The following LINGO2 variants were observed in gnomAD, a reference collection of about 807,000 sequenced individuals.
The protein encoded by LINGO2 is leucine rich repeat and Ig domain containing 2.
Under a neutral mutation model 30.6 loss-of-function variants are expected in LINGO2, and 14 were observed. The ratio of observed to expected loss-of-function variants is 0.46; its 90% CI spans 0.30 to 0.72. LINGO2 has a LOEUF of 0.72. Ranked by LOEUF, LINGO2 falls within the 30% of genes least tolerant of loss-of-function variation. The pLI, the probability that LINGO2 is intolerant of heterozygous loss-of-function variation, is 0.07. For missense variants in LINGO2, 729 were observed against 751.7 expected (o/e 0.97, Z 0.35); for synonymous variants, 317 against 288.5 (o/e 1.10, Z -1.00).
At chr9:28,251,696 A>G (rs1446007946) in intron 4 of LINGO2, among the ~76,000 whole-genome samples, 1 of 151,098 alleles carries the variant, frequency 6.6e-6, no homozygotes, top group Non-Finnish European at 1.5e-5. Context: ...TTGGCAGAAA[A>G]TTTTACTTTT....
the LINGO2 span, among the ~76,000 whole-genome samples, chr9:28,927,810 T>C: frequency 6.6e-6 from 1 of 152,232 alleles, no homozygotes; most frequent in Admixed American, 6.5e-5. Context: ...CAGTGCTCTT[T>C]ATCATCCACA....
chr9:29,143,599 A>G, the LINGO2 span, among the ~76,000 whole-genome samples: 1 of 152,154 alleles, frequency 6.6e-6, no homozygotes, highest in South Asian at 2.1e-4. Context: ...AGAAAACTGA[A>G]TATCTGCAAA....
chr9:28,143,745 T>C (rs1373258319), intron 4 of LINGO2, among the ~76,000 whole-genome samples: 2 of 152,022 alleles, frequency 1.3e-5, no homozygotes, highest in South Asian at 4.1e-4. Flanking sequence ...GAAACTTTAG[T>C]GTCAATATCA....
chr9:29,206,840 A>T, the LINGO2 span, among the ~76,000 whole-genome samples: 46 of 152,172 alleles, frequency 3.0e-4, no homozygotes, highest in African/African-American at 1.1e-3. Context: ...ATCAACAATA[A>T]ATATTTGCAT....
the LINGO2 span, among the ~76,000 whole-genome samples, chr9:28,841,098 G>A: frequency 6.6e-6 from 1 of 151,578 alleles, no homozygotes. Flanking sequence ...AAATGTTTAC[G>A]CTTTCAAGGC....
chr9:28,850,300 T>C, the LINGO2 span, among the ~76,000 whole-genome samples: 1 of 152,012 alleles, frequency 6.6e-6, no homozygotes, highest in African/African-American at 2.4e-5. Flanking sequence ...GGCAATAATA[T>C]ATGTACTACT....
chr9:28,379,096 T>G (rs1259536371), intron 2 of LINGO2, among the ~76,000 whole-genome samples: 1 of 152,170 alleles, frequency 6.6e-6, no homozygotes, highest in African/African-American at 2.4e-5. Flanking sequence ...TTCCTTTTGA[T>G]ATTAAAAATA....
At chr9:28,599,581 G>T (rs2135740376) in intron 1 of LINGO2, among the ~76,000 whole-genome samples, 1 of 152,026 alleles carries the variant, frequency 6.6e-6, no homozygotes, top group East Asian at 1.9e-4. Context: ...ATATTTTCAG[G>T]AGCAAATCAG....
chr9:28,879,800 A>G, the LINGO2 span, among the ~76,000 whole-genome samples: 1 of 152,076 alleles, frequency 6.6e-6, no homozygotes, highest in African/African-American at 2.4e-5. Flanking sequence ...GGAATTTCTG[A>G]GGAAAATATA....
chr9:28,699,609 C>T, the LINGO2 span, among the ~76,000 whole-genome samples: 4 of 151,970 alleles, frequency 2.6e-5, no homozygotes, highest in African/African-American at 9.7e-5. Flanking sequence ...GGTCTGACTG[C>T]CTGTGGGGTC....
the LINGO2 span, among the ~76,000 whole-genome samples, chr9:28,812,946 G>T: frequency 6.6e-6 from 1 of 151,904 alleles, no homozygotes; most frequent in Admixed American, 6.6e-5. Flanking sequence ...CACTATAACT[G>T]AAGTTTATGA....
the LINGO2 span, among the ~76,000 whole-genome samples, chr9:29,130,702 G>T: frequency 1.3e-5 from 2 of 151,970 alleles, no homozygotes; most frequent in Non-Finnish European, 2.9e-5. Context: ...TAACTCAAAG[G>T]CTCAACACAC....
At chr9:28,426,968 T>C (rs1380916504) in intron 2 of LINGO2, among the ~76,000 whole-genome samples, 1 of 152,098 alleles carries the variant, frequency 6.6e-6, no homozygotes, top group Middle Eastern at 3.2e-3. Flanking sequence ...TACTATAATT[T>C]CCTTTCAAAG....
chr9:28,660,804 A>G (rs556753923), intron 1 of LINGO2, among the ~76,000 whole-genome samples: 19 of 152,254 alleles, frequency 1.2e-4, no homozygotes, highest in Admixed American at 1.2e-3. Flanking sequence ...AATAAAAAAG[A>G]GGTAGCATCA....
At chr9:28,383,254 T>TTGTGTGTG (rs3065590) in intron 2 of LINGO2, among the ~76,000 whole-genome samples, 4,157 of 73,542 alleles carry the variant, frequency 0.057, 69 homozygotes, top group Admixed American at 0.09. Flanking sequence ...TCACCATTCA[T>TTGTGTGTG]TGTGTGTGTG....
At chr9:27,994,212 T>C (rs921000061) in intron 5 of LINGO2, among the ~76,000 whole-genome samples, 1 of 151,668 alleles carries the variant, frequency 6.6e-6, no homozygotes, top group Non-Finnish European at 1.5e-5. Flanking sequence ...AGACTTCAGA[T>C]AAACATCCCA....
At chr9:28,771,506 TGAGA>T in the LINGO2 span, among the ~76,000 whole-genome samples, 49 of 95,130 alleles carry the variant, frequency 5.2e-4, no homozygotes, top group East Asian at 2.3e-3. Flanking sequence ...TGTGTGTGTG[TGAGA>T]GAGAGAGAGA....
chr9:28,991,320 G>A, the LINGO2 span, among the ~76,000 whole-genome samples: 7 of 151,350 alleles, frequency 4.6e-5, no homozygotes, highest in South Asian at 8.4e-4. Flanking sequence ...AGAGAAAAAA[G>A]AATAAAAAGA....
intron 4 of LINGO2, among the ~76,000 whole-genome samples, chr9:28,204,343 C>T (rs1487434161): frequency 2.6e-5 from 4 of 152,128 alleles, no homozygotes; most frequent in East Asian, 1.9e-4. Context: ...ATTACTAATA[C>T]GATTAAGTAA....
Sources: gnomAD v4.1 joint callset for allele counts (sites outside exome capture counted in the v4.1 genomes callset) on GRCh38, gnomAD v4.1.1 for gene constraint, MANE v1.5 for transcripts, NCBI Gene and HGNC (gene_info 2026-07-23, HGNC 2026-07-21) for gene names.